NEGR1: variants seen among roughly 807,000 people sequenced by gnomAD.
NEGR1 encodes neuronal growth regulator 1.
In NEGR1, 10 loss-of-function variants were observed where a neutral mutation model predicts 40.9. That is an observed-to-expected ratio of 0.24 (90% CI 0.15 to 0.42). The LOEUF (loss-of-function observed/expected upper bound fraction) is 0.42, where lower values mean the gene tolerates loss of function less well. Ranked by LOEUF, NEGR1 falls within the 10% of genes least tolerant of loss-of-function variation. The pLI is 1.00. For missense variants in NEGR1, 352 were observed against 438.9 expected (o/e 0.80, Z 1.77); for synonymous variants, 185 against 166.8 (o/e 1.11, Z -0.84).
chr1:72,127,527 A>G (rs2100304613), intron 1 of NEGR1, among the ~76,000 whole-genome samples: 1 of 150,194 alleles, frequency 6.7e-6, no homozygotes. Context: ...ATTATTTATC[A>G]CCTCTATAAA....
chr1:72,173,327 A>T (rs72941224), intron 1 of NEGR1, among the ~76,000 whole-genome samples: 1,909 of 146,798 alleles, frequency 0.013, 54 homozygotes, highest in African/African-American at 0.044. Context: ...ATTGTTAGCA[A>T]TCTTATTTTC....
At chr1:71,836,102 A>G (rs1466932855) in intron 2 of NEGR1, among the ~76,000 whole-genome samples, 1 of 152,006 alleles carries the variant, frequency 6.6e-6, no homozygotes, top group Non-Finnish European at 1.5e-5. Flanking sequence ...ATCTCTGACT[A>G]TGTACTGCAT....
intron 1 of NEGR1, among the ~76,000 whole-genome samples, chr1:72,120,280 G>A (rs577741428): frequency 6.6e-6 from 1 of 151,896 alleles, no homozygotes; most frequent in East Asian, 1.9e-4. Flanking sequence ...AAAAAGGAGA[G>A]GGTCAATCTA....
intron 2 of NEGR1, among the ~76,000 whole-genome samples, chr1:71,846,957 AG>A (rs1200264969): frequency 6.6e-6 from 1 of 152,190 alleles, no homozygotes; most frequent in Non-Finnish European, 1.5e-5. Context: ...ACAAATTTTC[AG>A]ACCATAGCAC....
intron 3 of NEGR1, among the ~76,000 whole-genome samples, chr1:71,758,088 A>T (rs1261762679): frequency 6.6e-6 from 1 of 152,056 alleles, no homozygotes; most frequent in Non-Finnish European, 1.5e-5. Flanking sequence ...GAGCTTAAGA[A>T]ATATACTCAG....
At chr1:71,897,851 T>C (rs887887047) in intron 2 of NEGR1, among the ~76,000 whole-genome samples, 1 of 152,190 alleles carries the variant, frequency 6.6e-6, no homozygotes, top group African/African-American at 2.4e-5. Flanking sequence ...TAACTGAACA[T>C]TTATCCAATA....
At chr1:71,876,259 T>C (rs1021884099) in intron 2 of NEGR1, among the ~76,000 whole-genome samples, 1 of 152,070 alleles carries the variant, frequency 6.6e-6, no homozygotes, top group Non-Finnish European at 1.5e-5. Flanking sequence ...ATAAGAAACA[T>C]AGGCAATTTG....
At chr1:71,440,956 C>T (rs1390118378) in intron 6 of NEGR1, among the ~76,000 whole-genome samples, 1 of 152,114 alleles carries the variant, frequency 6.6e-6, no homozygotes, top group African/African-American at 2.4e-5. Flanking sequence ...ATTGGACACT[C>T]ATAGATCAAA....
At chr1:72,066,164 T>A (rs1216769396) in intron 1 of NEGR1, among the ~76,000 whole-genome samples, 1 of 152,122 alleles carries the variant, frequency 6.6e-6, no homozygotes, top group East Asian at 1.9e-4. Flanking sequence ...AAGATATTTA[T>A]ACCAATTATA....
intron 4 of NEGR1, among the ~76,000 whole-genome samples, chr1:71,638,833 T>C (rs1324255535): frequency 6.6e-6 from 1 of 151,964 alleles, no homozygotes; most frequent in East Asian, 1.9e-4. Context: ...GTTAGTATTT[T>C]CTAAGTCCCC....
intron 1 of NEGR1, among the ~76,000 whole-genome samples, chr1:72,112,260 T>C (rs1305256224): frequency 7.2e-6 from 1 of 137,966 alleles, no homozygotes; most frequent in Non-Finnish European, 1.6e-5. Context: ...TGTACACTTT[T>C]ACGTTTAAAA....
chr1:72,161,156 G>A (rs566196320), intron 1 of NEGR1, among the ~76,000 whole-genome samples: 1 of 152,124 alleles, frequency 6.6e-6, no homozygotes, highest in East Asian at 1.9e-4. Flanking sequence ...ATCTAGGACA[G>A]ATTTGTAAAG....
At chr1:72,019,116 A>G (rs1304544299) in intron 1 of NEGR1, among the ~76,000 whole-genome samples, 2 of 152,272 alleles carry the variant, frequency 1.3e-5, no homozygotes, top group African/African-American at 2.4e-5. Flanking sequence ...GAAGTCAAGG[A>G]TGATTCTAGG....
At chr1:71,866,780 T>C (rs754158849) in intron 2 of NEGR1, among the ~76,000 whole-genome samples, 1 of 152,166 alleles carries the variant, frequency 6.6e-6, no homozygotes, top group Non-Finnish European at 1.5e-5. Flanking sequence ...GTATGTTTTA[T>C]AAATAAACGT....
intron 1 of NEGR1, among the ~76,000 whole-genome samples, chr1:72,209,740 A>T (rs1653532004): frequency 6.6e-6 from 1 of 151,782 alleles, no homozygotes; most frequent in South Asian, 2.1e-4. Flanking sequence ...GACTCTGGAG[A>T]TACACGCATG....
chr1:71,836,059 T>C (rs561128618), intron 2 of NEGR1, among the ~76,000 whole-genome samples: 36 of 152,192 alleles, frequency 2.4e-4, no homozygotes, highest in African/African-American at 8.7e-4. Flanking sequence ...CTGATCAGGC[T>C]CCCTCATTAT....
chr1:72,125,391 C>T (rs1649971453), intron 1 of NEGR1, among the ~76,000 whole-genome samples: 1 of 151,962 alleles, frequency 6.6e-6, no homozygotes, highest in African/African-American at 2.4e-5. Context: ...ATATTCATAA[C>T]ACTCTATCAT....
At chr1:71,419,007 A>G (rs929132354) in intron 6 of NEGR1, among the ~76,000 whole-genome samples, 1 of 152,190 alleles carries the variant, frequency 6.6e-6, no homozygotes, top group Admixed American at 6.5e-5. Context: ...TGCTATGACA[A>G]CTGGTTGTGT....
intron 1 of NEGR1, among the ~76,000 whole-genome samples, chr1:71,989,768 G>T (rs61767470): frequency 6.6e-6 from 1 of 152,042 alleles, no homozygotes; most frequent in East Asian, 1.9e-4. Flanking sequence ...ATATGAAACA[G>T]AATAAATAAG....
Sources: gnomAD v4.1 joint callset for allele counts (sites outside exome capture counted in the v4.1 genomes callset) on GRCh38, gnomAD v4.1.1 for gene constraint, MANE v1.5 for transcripts, NCBI Gene and HGNC (gene_info 2026-07-23, HGNC 2026-07-21) for gene names.